Variants in VEZT observed in about 807,000 individuals in gnomAD.
VEZT encodes vezatin, adherens junctions transmembrane protein.
VEZT carries 39 observed loss-of-function variants against 79.9 expected under a neutral mutation model. That is an observed-to-expected ratio of 0.49 (90% CI 0.38 to 0.64). The LOEUF (loss-of-function observed/expected upper bound fraction) is 0.64. Ranked by LOEUF, VEZT falls within the 30% of genes least tolerant of loss-of-function variation. VEZT has a pLI of 0.00. For synonymous variants in VEZT, 325 were observed against 327.6 expected (o/e 0.99, Z 0.09); for missense variants, 837 against 893.1 (o/e 0.94, Z 0.80).
intron 6 of VEZT, 75 bp downstream of exon 6, chr12:95,270,263 T>A: frequency 7.0e-7 from 1 of 1,419,280 alleles, no homozygotes; most frequent in Non-Finnish European, 9.4e-7. Context: ...AGTTGTATCC[T>A]GTGAAAGTTT....
Position 95,274,849 on chromosome 12 carries a change from C to T in VEZT, c.956C>T (p.Ala319Val). 6.2e-7 allele frequency: 1 copy of T among 1,613,782 alleles called. No homozygotes were observed. The highest frequency in any genetic ancestry group is 1.1e-5 in the South Asian group (1 of 91,028). ...GAAGAGCAGATTTCAGAAGAGGAAG[C>T]ACATAACTTTACAGATGGCTTCAGC... ...LSEEQISEEE[A>V]HNFTDGFSLP... The change falls in exon 7 of 12, where the codon GCA (alanine) becomes GTA (valine). Residue 319 changes from alanine to valine, a missense_variant. Coordinates refer to ENST00000436874, the MANE Select transcript of VEZT (RefSeq NM_017599.4).
At chr12:95,262,267 T>A (rs374438005) in intron 3 of VEZT, 4 of 152,216 alleles carry the variant, frequency 2.6e-5, no homozygotes, top group African/African-American at 9.6e-5. Flanking sequence ...TCTTTAAGAA[T>A]AGAGACTTGT....
intron 1 of VEZT, among the ~76,000 whole-genome samples, chr12:95,228,503 A>G (rs1401579941): frequency 6.6e-6 from 1 of 152,080 alleles, no homozygotes; most frequent in African/African-American, 2.4e-5. Context: ...AGGTATTATT[A>G]TATCATTTAA....
chr12:95,238,916 C>G (rs2060527098), intron 1 of VEZT, among the ~76,000 whole-genome samples: 1 of 152,086 alleles, frequency 6.6e-6, no homozygotes, highest in South Asian at 2.1e-4. Flanking sequence ...AATTGAAATG[C>G]TATAAGGACA....
chr12:95,270,752 A>G (rs75164477), intron 6 of VEZT, among the ~76,000 whole-genome samples: 16,341 of 152,240 alleles, frequency 0.11, 1,194 homozygotes, highest in Non-Finnish European at 0.16. Context: ...ATCCATGTAA[A>G]GTGATCAGAC....
chr12:95,274,902 T>C lies in VEZT; in HGVS notation c.996+13T>C, dbSNP rs368669635. On this transcript the variant is annotated intron_variant, in intron 7 of 11. Transcript: ENST00000436874. ...GCCTGCATTGAAGGTAATCCATTTG[T>C]GTAAGGGAAGGGCTGAAGAAAAAAT... 6.2e-7 allele frequency: 1 copy of C among 1,610,214 alleles called. No individual in the cohort carries two copies. The highest frequency in any genetic ancestry group is 1.3e-5 in the African/African-American group (1 of 74,850).
intron 1 of VEZT, chr12:95,245,442 G>A: frequency 2.2e-6 from 1 of 452,562 alleles, no homozygotes; most frequent in Non-Finnish European, 4.4e-6. Flanking sequence ...AAAGCTTGAT[G>A]AACCGTGGTT....
intron 1 of VEZT, among the ~76,000 whole-genome samples, chr12:95,247,082 CAAAAT>C (rs1566073786): frequency 6.6e-6 from 1 of 152,044 alleles, no homozygotes; most frequent in East Asian, 1.9e-4. Context: ...GAAAAAAAGT[CAAAAT>C]AAATTATGTT....
intron 1 of VEZT, among the ~76,000 whole-genome samples, chr12:95,250,592 C>T (rs973344983): frequency 2.6e-5 from 4 of 151,982 alleles, no homozygotes; most frequent in Non-Finnish European, 4.4e-5. Flanking sequence ...CGTGAGCCAC[C>T]GCCCCCAGCC....
At chr12:95,273,786 A>T (rs2067106601) in intron 6 of VEZT, among the ~76,000 whole-genome samples, 1 of 152,224 alleles carries the variant, frequency 6.6e-6, no homozygotes, top group South Asian at 2.1e-4. Flanking sequence ...GGAGAAACAA[A>T]ATGTTTAAAT....
chr12:95,235,359 C>T (rs1354288674), intron 1 of VEZT, among the ~76,000 whole-genome samples: 5 of 131,360 alleles, frequency 3.8e-5, no homozygotes, highest in Non-Finnish European at 6.5e-5. Context: ...CCAGTAGGGG[C>T]GGCCGGGCAG....
At chr12:95,270,016 T>A (rs1168640507) in intron 5 of VEZT, 35 bp from the exon 6 acceptor site, 1 of 1,597,382 alleles carries the variant, frequency 6.3e-7, no homozygotes, top group Non-Finnish European at 8.5e-7. Flanking sequence ...CCTGTACAGT[T>A]GTATCACATT....
At chr12:95,263,897 C>T (rs2065009282) in intron 4 of VEZT, 1 of 151,908 alleles carries the variant, frequency 6.6e-6, no homozygotes, top group African/African-American at 2.4e-5. Flanking sequence ...ACCTCTTGAA[C>T]TATTTGGGTC....
chr12:95,254,068 C>T (rs1399718695), intron 2 of VEZT, among the ~76,000 whole-genome samples: 1 of 152,108 alleles, frequency 6.6e-6, no homozygotes, highest in East Asian at 1.9e-4. Flanking sequence ...GCAGCATTCA[C>T]TTCCTGGGCC....
At chr12:95,295,750 G>A (rs1402276200) in intron 10 of VEZT, among the ~76,000 whole-genome samples, 2 of 152,190 alleles carry the variant, frequency 1.3e-5, no homozygotes, top group East Asian at 3.8e-4. Flanking sequence ...TTTTGATATA[G>A]CTAATGGCTG....
Position 95,270,192 on chromosome 12 carries a change from T to C in VEZT, c.848+4T>C, listed in dbSNP as rs1566191753. ...CTACCCTATATATGCTGAAAAAATATCCTTTTCTGTTTATATATGAAACTA... is the reference window on the plus strand; with the variant it reads ...CTACCCTATATATGCTGAAAAAATACCCTTTTCTGTTTATATATGAAACTA... On this transcript the variant is annotated splice_donor_region_variant and intron_variant, in intron 6 of 11. Coordinates refer to ENST00000436874, the MANE Select transcript of VEZT (RefSeq NM_017599.4). The C allele has an allele frequency of 1.9e-6, 3 of 1,592,710 alleles. No individual in the cohort carries two copies. Among genetic ancestry groups the C allele is most frequent in the East Asian group, 2.3e-5 (1 of 44,280 alleles).
intron 4 of VEZT, among the ~76,000 whole-genome samples, chr12:95,265,019 C>T (rs773409292): frequency 6.6e-6 from 1 of 151,810 alleles, no homozygotes; most frequent in Non-Finnish European, 1.5e-5. Context: ...TGCAACCACA[C>T]CCAGCTAATT....
rs17344738 is a variant in VEZT, at chr12:95,300,167, G to A, written c.1834G>A (p.Val612Met). The change falls in exon 12 of 12, where the codon GTG (valine) becomes ATG (methionine). Residue 612 changes from valine (V) to methionine (M), a missense_variant and splice_region_variant. Physicochemically the swap from Val to Met is conservative, Grantham distance 21. Coordinates refer to ENST00000436874, the MANE Select transcript of VEZT (RefSeq NM_017599.4). ...TTTTTCTTTTTTTTTATTTGAAGCC[G>A]TGTTGAAATCCTTGTCTCCTGTAGA... Reference protein sequence around the residue: ...WKQLLFSDHAVLKSLSPVDPV... With the variant: ...WKQLLFSDHAMLKSLSPVDPV... 90,939 of 1,400,070 alleles carry A rather than the reference G, an allele frequency of 0.065. 3,615 individuals carry two copies. Among genetic ancestry groups the A allele is most frequent in the Admixed American group, 0.12 (3,767 of 31,156 alleles). The allele number at this position is 1,400,070 out of a possible 1,614,324, so 86.7% of individuals were successfully genotyped here. A position where few individuals can be genotyped will look rare whatever the true frequency, so the allele number is the denominator to read the frequency against.
At chr12:95,245,277 G>A (rs1178073485) in intron 1 of VEZT, among the ~76,000 whole-genome samples, 1 of 152,048 alleles carries the variant, frequency 6.6e-6, no homozygotes, top group East Asian at 1.9e-4. Context: ...GTTTCTCAGA[G>A]TGTCGTGAGT....
Sources: gnomAD v4.1 joint callset for allele counts (sites outside exome capture counted in the v4.1 genomes callset) on GRCh38, gnomAD v4.1.1 for gene constraint, MANE v1.5 for transcripts, NCBI Gene and HGNC (gene_info 2026-07-23, HGNC 2026-07-21) for gene names.